NAV2: variants seen among roughly 807,000 people sequenced by gnomAD.
NAV2 encodes the protein helicase, APC down-regulated 1.
Under a neutral mutation model 223.2 loss-of-function variants are expected in NAV2, and 54 were observed. The ratio of observed to expected loss-of-function variants is 0.24; its 90% CI spans 0.19 to 0.30. The LOEUF (loss-of-function observed/expected upper bound fraction) is 0.30. NAV2 is among the 10% of genes least tolerant of loss of function. The pLI, the probability that NAV2 is intolerant of heterozygous loss-of-function variation, is 1.00. For missense variants in NAV2, 2,806 were observed against 3,147.5 expected, an observed-to-expected ratio of 0.89 and a Z score of 2.60; for synonymous variants, 1,279 against 1,239.3, an observed-to-expected ratio of 1.03 and a Z score of -0.67.
At chr11:19,471,252 G>C (rs1407655154) in intron 1 of NAV2, among the ~76,000 whole-genome samples, 4 of 152,102 alleles carry the variant, frequency 2.6e-5, no homozygotes, top group African/African-American at 9.7e-5. Flanking sequence ...CCTTTGTGCA[G>C]GTCACTTAAA....
Position 19,832,608 on chromosome 11 carries a change from G to C in NAV2, c.385+7G>C. ...CAGATTATCCAGGTTGTGGGTAAGA[G>C]CAGATTTTACCTTGGGGGTAATGAG... On this transcript the variant is annotated splice_region_variant and intron_variant, in intron 2 of 37. Coordinates refer to ENST00000349880, the MANE Select transcript of NAV2 (RefSeq NM_145117.5). 1.9e-6 allele frequency: 3 copies of C among 1,610,724 alleles called. No homozygotes were observed. The highest frequency in any genetic ancestry group is 2.5e-6 in the Non-Finnish European group (3 of 1,176,870).
At chr11:19,721,054 T>A (rs1228434086) in intron 1 of NAV2, among the ~76,000 whole-genome samples, 4 of 152,222 alleles carry the variant, frequency 2.6e-5, no homozygotes, top group African/African-American at 9.6e-5. Flanking sequence ...GTGAAGCTAC[T>A]TTTCCAAGGA....
At chr11:19,799,158 C>T (rs762292177) in intron 1 of NAV2, among the ~76,000 whole-genome samples, 4 of 152,170 alleles carry the variant, frequency 2.6e-5, no homozygotes, top group South Asian at 2.1e-4. Flanking sequence ...CACTAGCAGA[C>T]GTGCCTTTTC....
At chr11:20,115,631 C>CAAAAA (rs386373266) in intron 37 of NAV2, among the ~76,000 whole-genome samples, 33 of 47,820 alleles carry the variant, frequency 6.9e-4, no homozygotes, top group East Asian at 1.3e-3. Context: ...GACTCCGTCT[C>CAAAAA]AAAAAAAAAA....
intron 1 of NAV2, among the ~76,000 whole-genome samples, chr11:19,488,531 G>A (rs1488487401): frequency 6.6e-6 from 1 of 152,200 alleles, no homozygotes; most frequent in Non-Finnish European, 1.5e-5. Context: ...CCTTGGGTTA[G>A]CATCTCACTT....
At chr11:20,035,871 C>T (rs1051253008) in intron 11 of NAV2, 88 bp from the exon 12 acceptor site, 118 of 1,501,764 alleles carry the variant, frequency 7.9e-5, no homozygotes, top group Non-Finnish European at 9.9e-5. Flanking sequence ...TGGATCTTTT[C>T]GGGGATGGTG....
intron 19 of NAV2, among the ~76,000 whole-genome samples, chr11:20,057,321 T>C (rs2058427151): frequency 1.3e-5 from 2 of 152,210 alleles, no homozygotes; most frequent in South Asian, 4.1e-4. Context: ...AATTGCCCCC[T>C]GGTTTATTTT....
chr11:20,076,233 A>T (rs1297007453), intron 22 of NAV2, among the ~76,000 whole-genome samples: 1 of 133,662 alleles, frequency 7.5e-6, no homozygotes, highest in Non-Finnish European at 1.6e-5. Flanking sequence ...GAAGACCTCT[A>T]ACTCTAAATC....
intron 1 of NAV2, among the ~76,000 whole-genome samples, chr11:19,655,991 C>A (rs929217024): frequency 6.6e-6 from 1 of 152,160 alleles, no homozygotes; most frequent in African/African-American, 2.4e-5. Flanking sequence ...GATTGTCCAG[C>A]TGATCCCTTG....
chr11:20,045,049 C>G lies in NAV2; in HGVS notation c.3281C>G (p.Ala1094Gly), dbSNP rs747695382. The G allele has an allele frequency of 6.2e-7, 1 of 1,614,146 alleles. No individual in the cohort carries two copies. The highest frequency in any genetic ancestry group is 8.5e-7 in the Non-Finnish European group (1 of 1,180,024). Residue 1094 changes from alanine (A) to glycine (G), a missense_variant, in exon 14 of 38, where the codon GCA becomes GGA. Ala to Gly is a moderately conservative substitution (Grantham distance 60). Coordinates refer to ENST00000349880, the MANE Select transcript of NAV2 (RefSeq NM_145117.5). ...ASQVKRSPSDAGRSSGDESKK... is the reference protein window; with the variant it reads ...ASQVKRSPSDGGRSSGDESKK... ...CAGGTGAAGCGCTCCCCATCAGATG[C>G]AGGCCGGAGCAGTGGTGACGAATCC...
intron 2 of NAV2, among the ~76,000 whole-genome samples, chr11:19,836,081 AG>A (rs1403609657): frequency 6.6e-6 from 1 of 152,178 alleles, no homozygotes; most frequent in Non-Finnish European, 1.5e-5. Flanking sequence ...TGAGAGGATT[AG>A]GGATAAGAAT....
Position 19,429,175 on chromosome 11 carries a change from A to G in NAV2, c.75+78148A>G, listed in dbSNP as rs767945018. Among the ~76,000 whole-genome samples the G allele has an allele frequency of 2.6e-4, 40 of 152,178 alleles. 1 individual carries two copies. The highest frequency in any genetic ancestry group is 2.1e-3 in the South Asian group (10 of 4,828). On this transcript the variant is annotated intron_variant, in intron 1 of 37. Transcript: ENST00000360655. The stretch of plus-strand genomic sequence containing the variant: ...CAGATTGGGAGCTCAGTGAGTCCAG[A>G]GGTGGTGGTTTCCAGGTGTGTATCC...
chr11:19,359,766 G>C (rs1024517878), intron 1 of NAV2, among the ~76,000 whole-genome samples: 6 of 152,174 alleles, frequency 3.9e-5, no homozygotes, highest in Non-Finnish European at 7.4e-5. Flanking sequence ...TCCTTTGAGT[G>C]TCAGCCAGGC....
At chr11:19,346,675 G>T (rs1853033468), upstream of NAV2, among the ~76,000 whole-genome samples, 1 of 152,234 alleles carries the variant, frequency 6.6e-6, no homozygotes, top group Non-Finnish European at 1.5e-5. Flanking sequence ...AGATAAAGGC[G>T]CCAGGGTTGG....
intron 16 of NAV2, 50 bp downstream of exon 16, chr11:20,049,951 C>A (rs374212284): frequency 1.3e-4 from 209 of 1,570,128 alleles, no homozygotes; most frequent in Non-Finnish European, 1.7e-4. Context: ...GTTCTTCTGC[C>A]CATTCGTTGT....
intron 1 of NAV2, among the ~76,000 whole-genome samples, chr11:19,528,203 G>C (rs1393057388): frequency 6.6e-6 from 1 of 152,156 alleles, no homozygotes; most frequent in Non-Finnish European, 1.5e-5. Flanking sequence ...GAGGGACAAA[G>C]GGAAAAGAAA....
chr11:19,982,253 TTTTTGTTTTTG>T (rs1565694610), intron 10 of NAV2, among the ~76,000 whole-genome samples: 1 of 140,308 alleles, frequency 7.1e-6, no homozygotes, highest in African/African-American at 2.7e-5. Context: ...TTTTGTTTTG[TTTTTGTTTTTG>T]TTTTGTTTTG....
intron 10 of NAV2, among the ~76,000 whole-genome samples, chr11:19,967,729 A>G (rs2048891400): frequency 6.6e-6 from 1 of 152,166 alleles, no homozygotes; most frequent in African/African-American, 2.4e-5. Flanking sequence ...CCCAGATATT[A>G]CAGAAGGGGT....
At chr11:19,982,164 A>AT (rs1382264085) in intron 10 of NAV2, among the ~76,000 whole-genome samples, 1 of 152,238 alleles carries the variant, frequency 6.6e-6, no homozygotes, top group African/African-American at 2.4e-5. Flanking sequence ...AGCTGTAATC[A>AT]TTTTTTATAT....
Sources: allele counts gnomAD v4.1 joint callset (sites outside exome capture counted in the v4.1 genomes callset), GRCh38; gene constraint gnomAD v4.1.1; transcripts MANE v1.5; gene names NCBI Gene and HGNC (gene_info 2026-07-23, HGNC 2026-07-21).